Variants in FABP12 observed in about 807,000 individuals in gnomAD.
FABP12 encodes the protein fatty acid binding protein 12.
A neutral mutation model predicts 13.7 loss-of-function variants in FABP12; 19 were observed. The observed-to-expected ratio is 1.39, with a 90% confidence interval of 0.97 to 2.04. The LOEUF is 2.04. Among genes scored for constraint, FABP12 ranks in the 30% most tolerant of loss-of-function variants. The probability of loss-of-function intolerance (pLI) is 0.00; values close to 1 mark genes in which losing one functional copy is unlikely to be tolerated. For synonymous variants in FABP12, 61 were observed against 57.0 expected (o/e 1.07, Z -0.32); for missense variants, 182 against 164.2 (o/e 1.11, Z -0.59).
intron 4 of FABP12, 118 bp from the exon 5 acceptor site, chr8:81,525,238 G>A (rs1237445593): frequency 7.4e-6 from 5 of 671,208 alleles, no homozygotes; most frequent in South Asian, 3.9e-5. Context: ...AAGAGAGGCC[G>A]GGCGCGGTGG....
chr8:81,525,637 C>CTATG (rs143765111), intron 4 of FABP12, among the ~76,000 whole-genome samples: 2,577 of 152,078 alleles, frequency 0.017, 35 homozygotes, highest in East Asian at 0.074. Context: ...TCTATATAAC[C>CTATG]TATGTATGGC....
chr8:81,560,668 C>T (rs559218600), intron 1 of FABP12, among the ~76,000 whole-genome samples: 32 of 152,344 alleles, frequency 2.1e-4, no homozygotes, highest in African/African-American at 7.2e-4. Context: ...TCCTCAAGAA[C>T]TCTGTAGGAG....
At chr8:81,580,618 T>C (rs1810141732) in intron 1 of FABP12, among the ~76,000 whole-genome samples, 1 of 152,136 alleles carries the variant, frequency 6.6e-6, no homozygotes, top group African/African-American at 2.4e-5. Context: ...TAAGACACAT[T>C]CTATGGACAA....
chr8:81,556,656 TTTCTC>T (rs1361801425), intron 1 of FABP12, among the ~76,000 whole-genome samples: 2 of 150,044 alleles, frequency 1.3e-5, no homozygotes, highest in South Asian at 2.1e-4. Context: ...CATTTTAACT[TTTCTC>T]TTTTAATACA....
At chr8:81,529,452 C>A in exon 3 of FABP12, 1 of 1,613,872 alleles carries the variant, frequency 6.2e-7, no homozygotes, top group Non-Finnish European at 8.5e-7. Context: ...GTTTTGTGGC[C>A]ACCTGGCGTG....
upstream of FABP12, among the ~76,000 whole-genome samples, chr8:81,538,942 G>A (rs1809284989): frequency 6.6e-6 from 1 of 152,048 alleles, no homozygotes; most frequent in South Asian, 2.1e-4. Context: ...TCCACCTCCT[G>A]GGTTCAAGAG....
upstream of FABP12, among the ~76,000 whole-genome samples, chr8:81,536,339 C>A (rs916574898): frequency 6.6e-5 from 10 of 152,330 alleles, no homozygotes; most frequent in South Asian, 1.2e-3. Flanking sequence ...TATATTTATT[C>A]ATAACAGAAG....
chr8:81,529,612 T>G lies in FABP12; in HGVS notation c.74-2A>C. The G allele has an allele frequency of 1.2e-6, 2 of 1,610,554 alleles. No homozygotes were observed. Among genetic ancestry groups the G allele is most frequent in the Non-Finnish European group, 1.7e-6 (2 of 1,178,594 alleles). Reference sequence around the variant, plus strand: ...GTTTCCTGCTGGCTCTTCCTATACCTGGAAACCAGATAAAAGGAGTATTAT... The same window carrying G: ...GTTTCCTGCTGGCTCTTCCTATACCGGGAAACCAGATAAAAGGAGTATTAT... On this transcript the variant is annotated splice_acceptor_variant, in intron 2 of 4. Coordinates refer to ENST00000360464, the Ensembl canonical transcript of FABP12. LOFTEE classifies it high-confidence loss of function.
chr8:81,545,070 G>T (rs1809414319), intron 1 of FABP12, among the ~76,000 whole-genome samples: 1 of 152,136 alleles, frequency 6.6e-6, no homozygotes, highest in African/African-American at 2.4e-5. Context: ...GCCCAGGCTG[G>T]AGTGCAATGG....
intron 1 of FABP12, among the ~76,000 whole-genome samples, chr8:81,531,720 A>G (rs1809080899): frequency 6.6e-6 from 1 of 152,190 alleles, no homozygotes; most frequent in African/African-American, 2.4e-5. Context: ...CTGTCTGTCC[A>G]AAGATGATTC....
chr8:81,582,484 C>T lies in FABP12; in HGVS notation c.-185+7569G>A, dbSNP rs184829724. 2.2e-3 allele frequency among the ~76,000 whole-genome samples: 330 copies of T among 151,990 alleles called. 1 individual carries two copies. The highest frequency in any genetic ancestry group is 7.3e-3 in the African/African-American group (301 of 41,462). ...GAAACTCACCTCACATGTAAAGACA[C>T]ATGTAGACTAAAAGTAAACAGATTG... On this transcript the variant is annotated intron_variant, in intron 1 of 5. Transcript: ENST00000692030.
intron 1 of FABP12, among the ~76,000 whole-genome samples, chr8:81,554,387 A>AT (rs1225301178): frequency 1.3e-5 from 2 of 152,170 alleles, no homozygotes; most frequent in African/African-American, 4.8e-5. Flanking sequence ...AGAATCAGAG[A>AT]TTGTGGGGGA....
chr8:81,566,134 A>G (rs1473708109), intron 1 of FABP12, among the ~76,000 whole-genome samples: 1 of 152,040 alleles, frequency 6.6e-6, no homozygotes, highest in African/African-American at 2.4e-5. Context: ...CCAAAACCTG[A>G]ATAGACCAAT....
chr8:81,556,588 C>T (rs1291693107), intron 1 of FABP12, among the ~76,000 whole-genome samples: 1 of 151,494 alleles, frequency 6.6e-6, no homozygotes, highest in Non-Finnish European at 1.5e-5. Flanking sequence ...TCATCATTTT[C>T]TTCAAAAGAA....
intron 1 of FABP12, chr8:81,533,180 G>A (rs967880017): frequency 6.6e-6 from 1 of 152,210 alleles, no homozygotes; most frequent in Non-Finnish European, 1.5e-5. Flanking sequence ...CGGAGCCCAT[G>A]TATGGCTTCT....
At chr8:81,528,318 A>G (rs186253711) in intron 3 of FABP12, among the ~76,000 whole-genome samples, 2 of 152,140 alleles carry the variant, frequency 1.3e-5, no homozygotes, top group Admixed American at 6.5e-5. Context: ...GCATCAAGCA[A>G]TCCTCCTGTT....
intron 1 of FABP12, among the ~76,000 whole-genome samples, chr8:81,579,146 GTTCATTCACTTT>G (rs1487628378): frequency 1.3e-5 from 2 of 151,792 alleles, no homozygotes; most frequent in Non-Finnish European, 2.9e-5. Flanking sequence ...CTATTTTGAT[GTTCATTCACTTT>G]TTCATTATAA....
chr8:81,549,884 T>G (rs879786212), intron 1 of FABP12, among the ~76,000 whole-genome samples: 3 of 152,212 alleles, frequency 2.0e-5, no homozygotes, highest in Non-Finnish European at 4.4e-5. Context: ...CAAAACTTTT[T>G]GCTCACATAC....
At chr8:81,579,205 T>G (rs1810113753) in intron 1 of FABP12, among the ~76,000 whole-genome samples, 1 of 152,108 alleles carries the variant, frequency 6.6e-6, no homozygotes, top group Non-Finnish European at 1.5e-5. Flanking sequence ...AAAACTTTTT[T>G]TTTTTGCAAT....
Sources: allele counts gnomAD v4.1 joint callset (sites outside exome capture counted in the v4.1 genomes callset), GRCh38; gene constraint gnomAD v4.1.1; transcripts MANE v1.5; gene names NCBI Gene and HGNC (gene_info 2026-07-23, HGNC 2026-07-21).